FBXO42: variants seen among roughly 807,000 people sequenced by gnomAD.
The protein encoded by FBXO42 is F-box only protein 42.
In FBXO42, 12 loss-of-function variants were observed where a neutral mutation model predicts 71.7. The ratio of observed to expected loss-of-function variants is 0.17; its 90% CI spans 0.11 to 0.27. The LOEUF is 0.27. Ranked by LOEUF, FBXO42 falls within the 10% of genes least tolerant of loss-of-function variation. The pLI, the probability that FBXO42 is intolerant of heterozygous loss-of-function variation, is 1.00. For missense variants in FBXO42, 707 were observed against 911.9 expected (o/e 0.78, Z 2.89); for synonymous variants, 325 against 327.5 (o/e 0.99, Z 0.08).
chr1:16,280,056 C>T (rs1194296856), intron 4 of FBXO42, among the ~76,000 whole-genome samples: 5 of 152,216 alleles, frequency 3.3e-5, no homozygotes, highest in Middle Eastern at 3.4e-3. Flanking sequence ...CTATGTTGGC[C>T]AGGCTGGTCT....
intron 1 of FBXO42, among the ~76,000 whole-genome samples, chr1:16,326,038 G>GTGTGTGTGTGTC (rs1164888525): frequency 2.7e-4 from 40 of 146,866 alleles, no homozygotes; most frequent in East Asian, 8.7e-4. Context: ...GTGTGTGTGT[G>GTGTGTGTGTGTC]TGTGTGTGTG....
chr1:16,251,147 A>C lies in FBXO42; in HGVS notation c.1677T>G (p.Ser559Arg). 6.2e-7 allele frequency: 1 copy of C among 1,613,956 alleles called. No homozygotes were observed. Among genetic ancestry groups the C allele is most frequent in the Non-Finnish European group, 8.5e-7 (1 of 1,180,000 alleles). The change falls in exon 10 of 10, where the codon AGT (serine) becomes AGG (arginine). Residue 559 changes from serine (S) to arginine (R), a missense_variant. Physicochemically the swap from Ser to Arg is moderately radical, Grantham distance 110. Around this residue, in one of 5 missense-constraint regions of FBXO42, gnomAD observed 482 missense variants for 587.1 expected, o/e 0.82. Transcript: ENST00000375592. This position sits in a 1 kb window ranked among gnomAD's most constrained non-coding sequence, Gnocchi z 4.5. ...AGGACATCGCTTTGATGGCTTCCAG[A>C]CTCCGACGCAGGGCACCTGGGGAGA... The part of the protein sequence containing the change: ...GAVSPGALRR[S>R]LEAIKAMSSK...
chr1:16,346,213 AC>A (rs1280682384), intron 1 of FBXO42, among the ~76,000 whole-genome samples: 2 of 152,162 alleles, frequency 1.3e-5, no homozygotes, highest in Non-Finnish European at 2.9e-5. Context: ...TAAACACCCT[AC>A]CTTATTAGAG....
At chr1:16,329,930 CAG>C (rs2082483268) in intron 1 of FBXO42, among the ~76,000 whole-genome samples, 1 of 151,756 alleles carries the variant, frequency 6.6e-6, no homozygotes, top group Non-Finnish European at 1.5e-5. Context: ...GCCTGGGAAA[CAG>C]AGCAAGATAC....
At chr1:16,296,269 A>T (rs762641326) in intron 3 of FBXO42, among the ~76,000 whole-genome samples, 3 of 152,336 alleles carry the variant, frequency 2.0e-5, no homozygotes, top group Non-Finnish European at 4.4e-5. Flanking sequence ...AAAATAAAAT[A>T]AAATTAAGTA....
chr1:16,330,222 T>C (rs1029348739), intron 1 of FBXO42, among the ~76,000 whole-genome samples: 5 of 152,170 alleles, frequency 3.3e-5, no homozygotes, highest in African/African-American at 1.2e-4. Context: ...GAAATGAAGA[T>C]TAAAAAATTT....
At chr1:16,266,209 T>A (rs1161847382) in intron 4 of FBXO42, among the ~76,000 whole-genome samples, 1 of 152,124 alleles carries the variant, frequency 6.6e-6, no homozygotes, top group Non-Finnish European at 1.5e-5. Flanking sequence ...GAAACATCTC[T>A]TTCATACATA....
At chr1:16,281,831 A>AT (rs2081966994) in intron 4 of FBXO42, among the ~76,000 whole-genome samples, 1 of 151,228 alleles carries the variant, frequency 6.6e-6, no homozygotes, top group Non-Finnish European at 1.5e-5. Context: ...TGATTTTTGT[A>AT]TTTTTTATTA....
intron 1 of FBXO42, among the ~76,000 whole-genome samples, chr1:16,338,789 T>C (rs150955955): frequency 1.0e-4 from 15 of 149,886 alleles, no homozygotes; most frequent in African/African-American, 2.9e-4. Context: ...AATGGAACAT[T>C]TTATTTCCAT....
At chr1:16,288,679 C>A (rs189656764) in intron 4 of FBXO42, among the ~76,000 whole-genome samples, 5 of 151,964 alleles carry the variant, frequency 3.3e-5, no homozygotes, top group African/African-American at 1.2e-4. Context: ...AAGTCTTGGC[C>A]GGGCGCAGTG....
intron 3 of FBXO42, among the ~76,000 whole-genome samples, chr1:16,299,941 C>T (rs1488445318): frequency 6.6e-6 from 1 of 152,158 alleles, no homozygotes; most frequent in East Asian, 1.9e-4. Context: ...CCATGCCCGG[C>T]CACACTCAAC....
chr1:16,266,870 G>T (rs1436984908), intron 4 of FBXO42, among the ~76,000 whole-genome samples: 1 of 152,110 alleles, frequency 6.6e-6, no homozygotes, highest in African/African-American at 2.4e-5. Context: ...GGGCACTGGA[G>T]GATAGCGTGG....
chr1:16,255,138 A>T (rs1431793015), intron 6 of FBXO42, among the ~76,000 whole-genome samples: 1 of 152,210 alleles, frequency 6.6e-6, no homozygotes, highest in Non-Finnish European at 1.5e-5. Flanking sequence ...ACAGCACAGC[A>T]GGCAAGGTGG....
chr1:16,310,620 C>T (rs1482702874), intron 2 of FBXO42, among the ~76,000 whole-genome samples: 4 of 152,028 alleles, frequency 2.6e-5, no homozygotes, highest in Non-Finnish European at 4.4e-5. Context: ...GAAGATAAGC[C>T]ACAGACTGAG....
chr1:16,271,639 G>A (rs980191359), intron 4 of FBXO42, among the ~76,000 whole-genome samples: 12 of 151,856 alleles, frequency 7.9e-5, no homozygotes, highest in African/African-American at 2.7e-4. Context: ...CCTGGCTCAG[G>A]AACACCCAAC....
In FBXO42 at chr1:16,305,807, C is replaced by T. The variant is rs200961361; in HGVS notation, c.363G>A (p.Ser121=). Residue 121 remains serine, a synonymous_variant, in exon 3 of 10, where the codon TCG becomes TCA. Coordinates refer to ENST00000375592, the MANE Select transcript of FBXO42 (RefSeq NM_018994.3). ...GCTTTCACAGTAAATACTTACTGTG[C>T]GAGAAGCGCTGAGTGATTGGGGTTC... The part of the protein sequence containing the change: ...YPGTPITQRF[S]HSACYYDANQ... The T allele has an allele frequency of 1.0e-4, 161 of 1,612,856 alleles. 3 individuals carry two copies. In the South Asian group the frequency reaches 1.4e-3, roughly 14 times the overall value.
chr1:16,348,845 A>G (rs2082675465), intron 1 of FBXO42, among the ~76,000 whole-genome samples: 1 of 152,250 alleles, frequency 6.6e-6, no homozygotes, highest in Non-Finnish European at 1.5e-5. Context: ...TCAACATTGT[A>G]AGGAATAACA....
chr1:16,260,865 A>G (rs1350052875), intron 4 of FBXO42, among the ~76,000 whole-genome samples: 1 of 151,716 alleles, frequency 6.6e-6, no homozygotes, highest in Non-Finnish European at 1.5e-5. Flanking sequence ...ACATCCAGCT[A>G]ATTTTTTTCT....
At chr1:16,317,093 C>A (rs982863798) in intron 1 of FBXO42, among the ~76,000 whole-genome samples, 2 of 151,948 alleles carry the variant, frequency 1.3e-5, no homozygotes, top group African/African-American at 4.8e-5. Flanking sequence ...CCAGCCTGAC[C>A]AACATGGTGA....
Sources: allele counts gnomAD v4.1 joint callset (sites outside exome capture counted in the v4.1 genomes callset), GRCh38; gene constraint gnomAD v4.1.1; regional missense constraint gnomAD v4.1.1; non-coding constraint Gnocchi (gnomAD v3.1); transcripts MANE v1.5; gene names NCBI Gene and HGNC (gene_info 2026-07-23, HGNC 2026-07-21).